DONSON: variants seen among roughly 807,000 people sequenced by gnomAD.
The protein encoded by DONSON is DNA replication fork stabilization factor DONSON.
DONSON carries 43 observed loss-of-function variants against 62.1 expected under a neutral mutation model. That is an observed-to-expected ratio of 0.69 (90% confidence interval 0.54 to 0.89). The LOEUF (loss-of-function observed/expected upper bound fraction) is 0.89, where lower values mean the gene tolerates loss of function less well. DONSON is among the 40% of genes least tolerant of loss of function. The pLI is 0.00. For synonymous variants in DONSON, 266 were observed against 264.6 expected, an observed-to-expected ratio of 1.01 and a Z score of -0.05; for missense variants, 696 against 697.5, an observed-to-expected ratio of 1.00 and a Z score of 0.03.
At position 33,579,391 on chromosome 21, in the gene DONSON, C is replaced by T. The variant is rs773150070; in HGVS notation, c.1522G>A (p.Val508Ile). The T allele has an allele frequency of 1.2e-6, 2 of 1,611,736 alleles. No individual in the cohort carries two copies. Among genetic ancestry groups the T allele is most frequent in the Non-Finnish European group, 1.7e-6 (2 of 1,178,266 alleles). ...AVLYPHEPTA[V>I]FNICLQMDKV... is the part of the protein sequence containing the mutation. ...TCCATTTGCAGGCAGATGTTAAATA[C>T]AGCAGTTGGCTCGTGTGGATACAGT... The change falls in exon 9 of 10, where the codon GTA (valine) becomes ATA (isoleucine). Residue 508 changes from valine to isoleucine, a missense_variant. Transcript: ENST00000303071.
Position 33,578,112 on chromosome 21 carries a change from G to T in DONSON, c.*195C>A. 1 of 548,358 alleles carries T rather than the reference G, an allele frequency of 1.8e-6. No individual in the cohort carries two copies. The highest frequency in any genetic ancestry group is 3.1e-6 in the Non-Finnish European group (1 of 322,552). 34.0% of individuals were successfully genotyped at this position (548,358 alleles called of 1,614,324 possible). On this transcript the variant is annotated 3_prime_UTR_variant, in exon 10 of 10. Coordinates refer to ENST00000303071, the MANE Select transcript of DONSON (RefSeq NM_017613.4). ...GTAGGGATATAGATATCTCATTTGA[G>T]TTATCTGAGTTTTTCATCTTTATAT...
rs758641521 is a variant in DONSON, at chr21:33,584,610, C to T, written c.765G>A (p.Gln255=). ...CTTACCAGTCACTCATTAAAACATG[C>T]TGCAGGGTTGCATCATTTGACCAAG... is the stretch of plus-strand genomic sequence containing the variant. ...TSPWSNDATL[Q]HVLMSDWSVS... is the part of the protein sequence containing the mutation. The change falls in exon 4 of 10, where the codon CAG becomes CAA. Residue 255 remains glutamine (Q), a synonymous_variant. Transcript: ENST00000303071. 4 of 1,611,326 alleles carry T rather than the reference C, an allele frequency of 2.5e-6. No homozygotes were observed. The highest frequency in any genetic ancestry group is 2.2e-5 in the East Asian group (1 of 44,844).
intron 5 of DONSON, 24 bp downstream of exon 5, chr21:33,583,462 TTC>T: frequency 6.2e-7 from 1 of 1,606,626 alleles, no homozygotes; most frequent in Non-Finnish European, 8.5e-7. Flanking sequence ...TAGTATAGTA[TTC>T]TCACTTTAAA....
At chr21:33,582,788 A>G (rs1293723240) in intron 5 of DONSON, among the ~76,000 whole-genome samples, 2 of 152,156 alleles carry the variant, frequency 1.3e-5, no homozygotes, top group Non-Finnish European at 2.9e-5. Flanking sequence ...CTGTCGAGTG[A>G]ACATTACTGC....
intron 4 of DONSON, among the ~76,000 whole-genome samples, chr21:33,584,018 AT>A (rs2086548168): frequency 2.6e-5 from 1 of 37,990 alleles, no homozygotes; most frequent in African/African-American, 1.2e-4. Context: ...GCGTGTTTAT[AT>A]ATATATATAT....
At chr21:33,582,729 C>T (rs2086527323) in intron 5 of DONSON, among the ~76,000 whole-genome samples, 1 of 152,184 alleles carries the variant, frequency 6.6e-6, no homozygotes, top group South Asian at 2.1e-4. Context: ...TGGACTGGTA[C>T]TGGCCTGTGG....
Position 33,577,825 on chromosome 21 carries a change from T to G in DONSON, c.*482A>C, listed in dbSNP as rs2086452100. The G allele has an allele frequency of 6.5e-6, 1 of 152,982 alleles. No homozygotes were observed. Among genetic ancestry groups the G allele is most frequent in the Non-Finnish European group, 1.5e-5 (1 of 68,608 alleles). 9.5% of individuals were successfully genotyped at this position (152,982 alleles called of 1,614,324 possible). On this transcript the variant is annotated 3_prime_UTR_variant, in exon 10 of 10. Transcript: ENST00000303071. Reference sequence around the variant, plus strand: ...TGAATTAACATGCATTTAAAAAGTTTTAGTATATGTGAAAATAAAGGAATT... The same window carrying G: ...TGAATTAACATGCATTTAAAAAGTTGTAGTATATGTGAAAATAAAGGAATT...
In DONSON at chr21:33,577,650, C is replaced by CCCCTATA. The variant is rs1569072907; in HGVS notation, c.*656_*657insTATAGGG. The CCCCTATA allele has an allele frequency of 2.3e-5, 2 of 87,324 alleles. No individual in the cohort carries two copies. Among genetic ancestry groups the CCCCTATA allele is most frequent in the Admixed American group, 1.0e-4 (1 of 9,766 alleles). 5.4% of individuals were successfully genotyped at this position (87,324 alleles called of 1,614,324 possible). A position where few individuals can be genotyped will look rare whatever the true frequency, so the allele number is the denominator to read the frequency against. ...ACACACACACACACACACACACACACACACACACACACACACACACACACA... is the reference window on the plus strand; with the variant it reads ...ACACACACACACACACACACACACACCCCTATAACACACACACACACACACACACACA... On this transcript the variant is annotated 3_prime_UTR_variant, in exon 10 of 10. Transcript: ENST00000303071.
intron 8 of DONSON, among the ~76,000 whole-genome samples, chr21:33,580,906 A>T: frequency 7.0e-6 from 1 of 143,748 alleles, no homozygotes; most frequent in Non-Finnish European, 1.5e-5. Context: ...AACAAACAAG[A>T]AAAAAAAAAA....
chr21:33,577,602 CCT>C lies in DONSON; in HGVS notation c.*703_*704del, dbSNP rs1491200512. 16 of 69,994 alleles carry C rather than the reference CCT, an allele frequency of 2.3e-4. No homozygotes were observed. Among genetic ancestry groups the C allele is most frequent in the African/African-American group, 8.3e-4 (15 of 18,040 alleles). 4.3% of individuals were successfully genotyped at this position (69,994 alleles called of 1,614,324 possible). On this transcript the variant is annotated 3_prime_UTR_variant, in exon 10 of 10. Coordinates refer to ENST00000303071, the MANE Select transcript of DONSON (RefSeq NM_017613.4). ...AAAAATGTGAATTATACAGTCCCCC[CCT>C]ACACACACACACACACACACACACA... is the stretch of plus-strand genomic sequence containing the variant.
intron 7 of DONSON, 68 bp downstream of exon 7, chr21:33,581,883 A>G: frequency 7.3e-7 from 1 of 1,371,006 alleles, no homozygotes; most frequent in Non-Finnish European, 1.0e-6. Flanking sequence ...TAAAACTGCC[A>G]ATGTTAAACT....
rs2086439785 is a variant in DONSON at position 33,577,651 on chromosome 21, ACACACACAC to A, written c.*647_*655del. The A allele has an allele frequency of 1.2e-5, 1 of 83,730 alleles. No individual in the cohort carries two copies. The highest frequency in any genetic ancestry group is 4.9e-5 in the African/African-American group (1 of 20,588). 5.2% of individuals were successfully genotyped at this position (83,730 alleles called of 1,614,324 possible). A position where few individuals can be genotyped will look rare whatever the true frequency, so the allele number is the denominator to read the frequency against. On this transcript the variant is annotated 3_prime_UTR_variant, in exon 10 of 10. Coordinates refer to ENST00000303071, the MANE Select transcript of DONSON (RefSeq NM_017613.4). The stretch of plus-strand genomic sequence containing the variant: ...CACACACACACACACACACACACAC[ACACACACAC>A]ACACACACACACACACACACACACA...
Position 33,584,618 on chromosome 21 carries a change from T to C in DONSON, c.757A>G (p.Thr253Ala). Residue 253 changes from threonine (T) to alanine (A), a missense_variant, in exon 4 of 10, where the codon ACC (threonine) becomes GCC (alanine). Coordinates refer to ENST00000303071, the MANE Select transcript of DONSON (RefSeq NM_017613.4). ...TCACTCATTAAAACATGCTGCAGGG[T>C]TGCATCATTTGACCAAGGACTTGTC... is the stretch of plus-strand genomic sequence containing the variant. ...GKTSPWSNDA[T>A]LQHVLMSDWS... 2 of 1,612,958 alleles carry C rather than the reference T, an allele frequency of 1.2e-6. No homozygotes were observed. The highest frequency in any genetic ancestry group is 1.7e-6 in the Non-Finnish European group (2 of 1,179,292).
At chr21:33,579,947 C>G (rs538076526) in intron 8 of DONSON, among the ~76,000 whole-genome samples, 25 of 152,264 alleles carry the variant, frequency 1.6e-4, no homozygotes, top group African/African-American at 5.5e-4. Context: ...ATAATCCCAG[C>G]ACTTTGGGAG....
chr21:33,579,187 A>C (rs1036623389), intron 9 of DONSON, among the ~76,000 whole-genome samples, 163 bp downstream of exon 9: 1 of 152,176 alleles, frequency 6.6e-6, no homozygotes, highest in Non-Finnish European at 1.5e-5. Context: ...GCTACCTCAC[A>C]TAAACAACTT....
Position 33,584,246 on chromosome 21 carries a change from C to A in DONSON, c.785+344G>T, listed in dbSNP as rs1224640636. ...TATTTTTAGTAGAGACAGGGTTTCA[C>A]CGTGTTAGCCAGGATGGTCTCAATC... On this transcript the variant is annotated intron_variant, in intron 4 of 9. Transcript: ENST00000303071. Among the ~76,000 whole-genome samples the A allele has an allele frequency of 4.6e-5, 7 of 151,268 alleles. No homozygotes were observed. The South Asian group carries it at 8.3e-4, about 18-fold the overall frequency.
At position 33,584,767 on chromosome 21, in the gene DONSON, T is replaced by A. The variant is rs771500243; in HGVS notation, c.608A>T (p.Asp203Val). ...TEVTLPKSIQ[D>V]PKLSSELRCT... is the part of the protein sequence containing the mutation. ...ACGGAGCTCAGAGGAGAGTTTGGGATCCTAAAATCCAAAGGTGACAGTGGG... is the reference window on the plus strand; with the variant it reads ...ACGGAGCTCAGAGGAGAGTTTGGGAACCTAAAATCCAAAGGTGACAGTGGG... The change falls in exon 4 of 10, where the codon GAT becomes GTT. Residue 203 changes from aspartate to valine, a missense_variant and splice_region_variant. Coordinates refer to ENST00000303071, the MANE Select transcript of DONSON (RefSeq NM_017613.4). 5 of 1,520,058 alleles carry A rather than the reference T, an allele frequency of 3.3e-6. No individual in the cohort carries two copies. The highest frequency in any genetic ancestry group is 3.5e-6 in the Non-Finnish European group (4 of 1,127,020). The allele number at this position is 1,520,058 out of a possible 1,614,324, so 94.2% of individuals were successfully genotyped here.
chr21:33,586,192 CAA>C lies in DONSON; in HGVS notation c.403-13_403-12del. 6.2e-7 allele frequency: 1 copy of C among 1,611,196 alleles called. No homozygotes were observed. Among genetic ancestry groups the C allele is most frequent in the Non-Finnish European group, 8.5e-7 (1 of 1,177,838 alleles). On this transcript the variant is annotated splice_polypyrimidine_tract_variant and intron_variant, in intron 2 of 9. Transcript: ENST00000303071. ...TGATACATGTGAAGTCTTTAGAAAA[CAA>C]AGAATGCAAAAATTAGTCGAGTATC...
Position 33,588,631 on chromosome 21 carries a change from GA to G in DONSON, c.10del (p.Ser4ArgfsTer15). ...GAAGCCCGGTGAGTAGCCGGGCACC[GA>G]AAGGGCCATGACGCGCGGCGGCTGA... MAL[S>X]VPGYSPGFRK... On this transcript the variant is annotated frameshift_variant, in exon 1 of 10. Coordinates refer to ENST00000303071, the MANE Select transcript of DONSON (RefSeq NM_017613.4). LOFTEE classifies it high-confidence loss of function. 8.1e-7 allele frequency: 1 copy of G among 1,240,074 alleles called. No individual in the cohort carries two copies. The highest frequency in any genetic ancestry group is 1.0e-6 in the Non-Finnish European group (1 of 991,324). 76.8% of individuals were successfully genotyped at this position (1,240,074 alleles called of 1,614,324 possible). A position where few individuals can be genotyped will look rare whatever the true frequency, so the allele number is the denominator to read the frequency against.
Sources: allele counts gnomAD v4.1 joint callset (sites outside exome capture counted in the v4.1 genomes callset), GRCh38; gene constraint gnomAD v4.1.1; transcripts MANE v1.5; gene names NCBI Gene and HGNC (gene_info 2026-07-23, HGNC 2026-07-21).